The following MROH2A variants were observed in gnomAD, a reference collection of about 807,000 sequenced individuals.
MROH2A encodes maestro heat like repeat family member 2A.
In MROH2A, 174 loss-of-function variants were observed where a neutral mutation model predicts 200.4. The observed-to-expected ratio is 0.87, with a 90% CI of 0.77 to 0.98. MROH2A has a LOEUF of 0.98. Among genes scored for constraint, MROH2A ranks in the 50% least tolerant of loss-of-function variants. The probability of loss-of-function intolerance (pLI) is 0.00; values close to 1 mark genes in which losing one functional copy is unlikely to be tolerated. For synonymous variants in MROH2A, 829 were observed against 840.4 expected (o/e 0.99, Z 0.23); for missense variants, 2,045 against 2,139.6 (o/e 0.96, Z 0.87).
chr2:233,804,783 C>T (rs6716168), intron 18 of MROH2A, among the ~76,000 whole-genome samples: 79,701 of 151,954 alleles, frequency 0.52, 22,853 homozygotes, highest in South Asian at 0.71. Context: ...CAGGGAGTGA[C>T]ACCCCTTCTG....
In MROH2A at chr2:233,792,876, C is replaced by A. The variant is rs767739257; in HGVS notation, c.652C>A (p.Arg218Ser). 1 of 1,550,526 alleles carries A rather than the reference C, an allele frequency of 6.4e-7. No individual in the cohort carries two copies. The highest frequency in any genetic ancestry group is 2.0e-5 in the Admixed American group (1 of 51,010). Residue 218 changes from arginine to serine, a missense_variant, in exon 6 of 42, where the codon CGC becomes AGC. Physicochemically the swap from Arg to Ser is moderately radical, Grantham distance 110 (BLOSUM62 -1). Coordinates refer to ENST00000389758, the MANE Select transcript of MROH2A (RefSeq NM_001394639.1). ...GAGACTTGCCAATGAAGCCAAGATACGCCAGGCGATCTGCAGTGGTGAGTG... is the reference window on the plus strand; with the variant it reads ...GAGACTTGCCAATGAAGCCAAGATAAGCCAGGCGATCTGCAGTGGTGAGTG... ...MLRLANEAKI[R>S]QAICSAMETF...
rs1454082532 is a variant in MROH2A at position 233,799,777 on chromosome 2, C to T, written c.1330-3C>T. Reference sequence around the variant, plus strand: ...CAGCATGTCCACGGTCCTGTCCCCTCAGGTGAGGATGGCTATTCTCCACAT... The same window carrying T: ...CAGCATGTCCACGGTCCTGTCCCCTTAGGTGAGGATGGCTATTCTCCACAT... On this transcript the variant is annotated splice_region_variant and splice_polypyrimidine_tract_variant and intron_variant, in intron 12 of 41. Transcript: ENST00000389758. 2 of 1,550,436 alleles carry T rather than the reference C, an allele frequency of 1.3e-6. No homozygotes were observed. Among genetic ancestry groups the T allele is most frequent in the Admixed American group, 2.0e-5 (1 of 50,996 alleles).
rs201807969 is a variant in MROH2A, at chr2:233,783,811, G to T, written c.276+3959G>T. Among the ~76,000 whole-genome samples the T allele has an allele frequency of 1.1e-4, 17 of 152,154 alleles. No individual in the cohort carries two copies. In the East Asian group the frequency reaches 3.3e-3, roughly 29 times the overall value. On this transcript the variant is annotated intron_variant, in intron 3 of 41. Transcript: ENST00000389758. ...CACTTCGGCCGCCCAAAGTGCTGGGGTTACAGACGTGAGTGCCGGGATTAC... is the reference window on the plus strand; with the variant it reads ...CACTTCGGCCGCCCAAAGTGCTGGGTTTACAGACGTGAGTGCCGGGATTAC...
intron 33 of MROH2A, 59 bp from the exon 34 acceptor site, chr2:233,822,822 C>T: frequency 7.2e-6 from 11 of 1,533,434 alleles, no homozygotes; most frequent in Non-Finnish European, 9.7e-6. Context: ...TTGCAGCAGC[C>T]TCCCCAGGCC....
chr2:233,832,359 A>C lies in MROH2A; in HGVS notation c.4837+80A>C. On this transcript the variant is annotated intron_variant, in intron 40 of 41. Coordinates refer to ENST00000389758, the MANE Select transcript of MROH2A (RefSeq NM_001394639.1). ...ACCCCGGCACTCGGGGGAAGGGTGG[A>C]TCATGAGTGGGAGGCATGTGGCAAG... 3.1e-6 allele frequency: 4 copies of C among 1,273,988 alleles called. No homozygotes were observed. The South Asian group carries it at 5.2e-5, about 17-fold the overall frequency. The allele number at this position is 1,273,988 out of a possible 1,614,324, so 78.9% of individuals were successfully genotyped here.
At chr2:233,825,038 C>T (rs1199688660) in intron 35 of MROH2A, among the ~76,000 whole-genome samples, 1 of 152,194 alleles carries the variant, frequency 6.6e-6, no homozygotes, top group Non-Finnish European at 1.5e-5. Context: ...AGAGGCCCCT[C>T]ACTTCCCTTG....
intron 16 of MROH2A, among the ~76,000 whole-genome samples, chr2:233,803,771 G>C (rs776147781): frequency 6.6e-6 from 1 of 152,250 alleles, no homozygotes; most frequent in South Asian, 2.1e-4. Flanking sequence ...CTACCCCTGG[G>C]GGTTGGCTCA....
intron 24 of MROH2A, 117 bp downstream of exon 24, chr2:233,812,076 G>C (rs932807362): frequency 4.1e-6 from 3 of 728,286 alleles, no homozygotes; most frequent in Non-Finnish European, 7.0e-6. Flanking sequence ...CTGTAGCAGG[G>C]GTCTCACTTG....
intron 26 of MROH2A, among the ~76,000 whole-genome samples, chr2:233,814,884 A>G (rs769545544): frequency 1.2e-4 from 18 of 152,106 alleles, no homozygotes; most frequent in Non-Finnish European, 2.2e-4. Flanking sequence ...ACTTTGTCAC[A>G]TTTTCTTTCT....
Position 233,807,640 on chromosome 2 carries a change from G to T in MROH2A, c.2173-93G>T, listed in dbSNP as rs962634687. On this transcript the variant is annotated intron_variant, in intron 20 of 41. Coordinates refer to ENST00000389758, the MANE Select transcript of MROH2A (RefSeq NM_001394639.1). The surrounding 1 kb of genome is among the most constrained non-coding windows in gnomAD (Gnocchi z 4.3). ...CTGCATGCGTTTTGTGTGTGTGTGTGTACATGTGTGTGTGCCTTGCACGTG... is the reference window on the plus strand; with the variant it reads ...CTGCATGCGTTTTGTGTGTGTGTGTTTACATGTGTGTGTGCCTTGCACGTG... The T allele has an allele frequency of 1.3e-4, 200 of 1,542,486 alleles. No individual in the cohort carries two copies. The highest frequency in any genetic ancestry group is 1.7e-4 in the Non-Finnish European group (191 of 1,142,002).
intron 10 of MROH2A, 50 bp downstream of exon 10, chr2:233,796,095 G>A (rs751316709): frequency 4.8e-5 from 73 of 1,535,108 alleles, no homozygotes; most frequent in Non-Finnish European, 6.3e-5. Context: ...GCCTGCAGGA[G>A]GCCTGTAGGA....
At chr2:233,825,279 T>A (rs576036143) in intron 35 of MROH2A, among the ~76,000 whole-genome samples, 5 of 152,352 alleles carry the variant, frequency 3.3e-5, no homozygotes, top group African/African-American at 9.6e-5. Context: ...AAAGACATTT[T>A]TACTTCCTCC....
chr2:233,784,641 G>C (rs760870089), intron 3 of MROH2A, among the ~76,000 whole-genome samples: 36 of 152,116 alleles, frequency 2.4e-4, no homozygotes, highest in Non-Finnish European at 4.9e-4. Flanking sequence ...AAAGGAGCCT[G>C]GCGCCTCCTC....
chr2:233,811,972 C>T lies in MROH2A; in HGVS notation c.2651+13C>T. ...TCTCGCACCTGAGGTGAGCTGGGTT[C>T]CCACCCTCACCCCATCCCAAGGGGT... On this transcript the variant is annotated intron_variant, in intron 24 of 41. Coordinates refer to ENST00000389758, the MANE Select transcript of MROH2A (RefSeq NM_001394639.1). 1 of 1,527,800 alleles carries T rather than the reference C, an allele frequency of 6.5e-7. No individual in the cohort carries two copies. The highest frequency in any genetic ancestry group is 8.9e-7 in the Non-Finnish European group (1 of 1,127,426). 94.6% of individuals were successfully genotyped at this position (1,527,800 alleles called of 1,614,324 possible).
rs867310110 is a variant in MROH2A, at chr2:233,818,032, A to T, written c.2992A>T (p.Met998Leu). Reference protein sequence around the residue: ...IHLKLGQFGTMVGLIAPCTCD... With the variant: ...IHLKLGQFGTLVGLIAPCTCD... Reference sequence around the variant, plus strand: ...CCTAAAGCTGGGGCAGTTTGGCACAATGGTCGGACTCATTGCCCCGTGCAC... The same window carrying T: ...CCTAAAGCTGGGGCAGTTTGGCACATTGGTCGGACTCATTGCCCCGTGCAC... Residue 998 changes from methionine (M) to leucine (L), a missense_variant, in exon 28 of 42, where the codon ATG (methionine) becomes TTG (leucine). Physicochemically the swap from Met to Leu is conservative, Grantham distance 15. Coordinates refer to ENST00000389758, the MANE Select transcript of MROH2A (RefSeq NM_001394639.1). 1.9e-5 allele frequency: 29 copies of T among 1,550,974 alleles called. No individual in the cohort carries two copies. In the Middle Eastern group the frequency reaches 2.5e-3, roughly 134 times the overall value.
chr2:233,812,000 G>C (rs1344835267), intron 24 of MROH2A, 41 bp downstream of exon 24: 1 of 1,403,444 alleles, frequency 7.1e-7, no homozygotes, highest in Admixed American at 2.0e-5. Context: ...CAAGGGGTAG[G>C]GAAAAGTTCA....
intron 16 of MROH2A, among the ~76,000 whole-genome samples, 170 bp downstream of exon 16, chr2:233,803,658 G>A (rs763627874): frequency 1.3e-5 from 2 of 152,180 alleles, no homozygotes; most frequent in African/African-American, 2.4e-5. Context: ...AATTCCTCTC[G>A]AGTTTGGTAG....
chr2:233,798,990 G>A, intron 12 of MROH2A, 140 bp downstream of exon 12: 1 of 681,066 alleles, frequency 1.5e-6, no homozygotes, highest in South Asian at 1.7e-5. Context: ...GCTGCAGAAT[G>A]GTGAGGCCAG....
chr2:233,800,310 AC>A lies in MROH2A; in HGVS notation c.1557del (p.Thr520ProfsTer5). 1 of 1,545,070 alleles carries A rather than the reference AC, an allele frequency of 6.5e-7. No individual in the cohort carries two copies. The highest frequency in any genetic ancestry group is 8.7e-7 in the Non-Finnish European group (1 of 1,143,754). On this transcript the variant is annotated frameshift_variant, in exon 14 of 42. Transcript: ENST00000389758. LOFTEE classifies it high-confidence loss of function. ...KIITSSVSGMTTEFWVRLLCY... is the reference protein window; with the variant it reads ...KIITSSVSGMXTEFWVRLLCY... ...CATTACCTCTTCTGTCAGTGGGATG[AC>A]CACCGTGAGTGGGCCCTGCCCCACC... is the stretch of plus-strand genomic sequence containing the variant.
Sources: gnomAD v4.1 joint callset for allele counts (sites outside exome capture counted in the v4.1 genomes callset) on GRCh38, gnomAD v4.1.1 for gene constraint, Gnocchi (gnomAD v3.1) non-coding constraint, MANE v1.5 for transcripts, NCBI Gene and HGNC (gene_info 2026-07-23, HGNC 2026-07-21) for gene names.